Variants in CC2D2A observed in about 807,000 individuals in gnomAD.
The protein encoded by CC2D2A is coiled-coil and C2 domain-containing protein 2A.
A neutral mutation model predicts 212.9 loss-of-function variants in CC2D2A; 155 were observed. The ratio of observed to expected loss-of-function variants is 0.73; its 90% CI spans 0.64 to 0.83. The LOEUF is 0.83. Among genes scored for constraint, CC2D2A ranks in the 40% least tolerant of loss-of-function variants. The pLI is 0.00. For synonymous variants in CC2D2A, 667 were observed against 686.5 expected (o/e 0.97, Z 0.44); for missense variants, 1,856 against 1,956.2 (o/e 0.95, Z 0.97).
At chr4:15,500,087 G>GTA in intron 4 of CC2D2A, among the ~76,000 whole-genome samples, 1 of 46,464 alleles carries the variant, frequency 2.2e-5, no homozygotes, top group East Asian at 4.1e-4. Flanking sequence ...GTGTGTGTGT[G>GTA]TGTGTGTGTG....
rs78992183 is a variant in CC2D2A, at chr4:15,487,665, G to A, written c.247+6838G>A. Among the ~76,000 whole-genome samples the A allele has an allele frequency of 6.0e-4, 91 of 151,954 alleles. 1 individual carries two copies. In the East Asian group the frequency reaches 0.011, roughly 18 times the overall value. ...TTTATATTCAACGTCATTATTCACA[G>A]GGAGGGACTTACTACTGCCATTTTC... On this transcript the variant is annotated intron_variant, in intron 4 of 36. Coordinates refer to ENST00000424120, the MANE Select transcript of CC2D2A (RefSeq NM_001378615.1).
chr4:15,598,271 C>T (rs1721407861), intron 35 of CC2D2A, among the ~76,000 whole-genome samples: 1 of 152,160 alleles, frequency 6.6e-6, no homozygotes, highest in Non-Finnish European at 1.5e-5. Flanking sequence ...AAATCCAAAA[C>T]AAAGATGTGC....
At chr4:15,505,496 G>C (rs1040619975) in intron 6 of CC2D2A, among the ~76,000 whole-genome samples, 1 of 152,098 alleles carries the variant, frequency 6.6e-6, no homozygotes, top group Non-Finnish European at 1.5e-5. Context: ...CCAGGTGTCC[G>C]ATAGGCTCAG....
At chr4:15,597,489 C>T in intron 35 of CC2D2A, 24 bp downstream of exon 35, 1 of 1,537,784 alleles carries the variant, frequency 6.5e-7, no homozygotes, top group Non-Finnish European at 8.8e-7. Flanking sequence ...CATAAATCCA[C>T]ATGTAATCTG....
chr4:15,584,928 A>T (rs1429906425), intron 30 of CC2D2A, among the ~76,000 whole-genome samples: 1 of 152,254 alleles, frequency 6.6e-6, no homozygotes, highest in African/African-American at 2.4e-5. Flanking sequence ...GAGAAATGCA[A>T]ATCAAAACCA....
rs751676654 is a variant in CC2D2A, at chr4:15,550,952, G to C, written c.2310G>C (p.Val770=). The C allele has an allele frequency of 1.1e-5, 17 of 1,602,054 alleles. No individual in the cohort carries two copies. The Admixed American group carries it at 2.8e-4, about 27-fold the overall frequency. ...EEVEFSSNQH[V]TLDHEGVGSG... ...TGGAGTTTAGCAGTAATCAGCATGT[G>C]ACACTGGACCACGAGGGAGTTGGAA... is the stretch of plus-strand genomic sequence containing the variant. Residue 770 remains valine, a synonymous_variant, in exon 18 of 37, where the codon GTG becomes GTC. Coordinates refer to ENST00000424120, the MANE Select transcript of CC2D2A (RefSeq NM_001378615.1).
At chr4:15,588,497 A>G (rs1261766556) in intron 32 of CC2D2A, among the ~76,000 whole-genome samples, 1 of 152,208 alleles carries the variant, frequency 6.6e-6, no homozygotes, top group Non-Finnish European at 1.5e-5. Context: ...AAATATCCCT[A>G]CATTTGTGAT....
intron 29 of CC2D2A, among the ~76,000 whole-genome samples, chr4:15,578,795 TG>T: frequency 1.9e-5 from 2 of 107,124 alleles, no homozygotes; most frequent in African/African-American, 6.8e-5. Context: ...CTGGTTTGTT[TG>T]TTTGTTTGTT....
At chr4:15,568,321 A>T (rs2109071338) in intron 26 of CC2D2A, among the ~76,000 whole-genome samples, 1 of 152,370 alleles carries the variant, frequency 6.6e-6, no homozygotes, top group Non-Finnish European at 1.5e-5. Flanking sequence ...AGGGAAGGTG[A>T]CTTACTTAAA....
chr4:15,569,128 G>A (rs1028476551), intron 26 of CC2D2A, among the ~76,000 whole-genome samples, 165 bp from the exon 27 acceptor site: 5 of 152,116 alleles, frequency 3.3e-5, no homozygotes, highest in Non-Finnish European at 5.9e-5. Context: ...TTTGAATATA[G>A]GTATTATAGT....
intron 26 of CC2D2A, among the ~76,000 whole-genome samples, chr4:15,568,544 C>A (rs1283990901): frequency 6.6e-6 from 1 of 152,168 alleles, no homozygotes; most frequent in African/African-American, 2.4e-5. Context: ...GTCAAGATCA[C>A]GCCACTGCAC....
In CC2D2A at chr4:15,492,375, TCTCACC is replaced by T. The variant is rs940692232; in HGVS notation, c.248-10052_248-10047del. 3.9e-5 allele frequency among the ~76,000 whole-genome samples: 6 copies of T among 152,196 alleles called. 1 individual carries two copies. Among genetic ancestry groups the T allele is most frequent in the African/African-American group, 1.4e-4 (6 of 41,460 alleles). On this transcript the variant is annotated intron_variant, in intron 4 of 36. Transcript: ENST00000424120. ...TCCTAACTGATCTTCTTGCTTCCAT[TCTCACC>T]CCTCATTTTCAACCCAACAGCCAGA...
chr4:15,502,519 T>A lies in CC2D2A; in HGVS notation c.336+2T>A. On this transcript the variant is annotated splice_donor_variant, in intron 5 of 36. Transcript: ENST00000424120. LOFTEE classifies it high-confidence loss of function. The stretch of plus-strand genomic sequence containing the variant: ...AGGGAGAAATTGCAAGCAGCGAGGG[T>A]GAGAGAAACCACATGAATATTCTGT... 1 of 1,595,192 alleles carries A rather than the reference T, an allele frequency of 6.3e-7. No individual in the cohort carries two copies. The highest frequency in any genetic ancestry group is 8.5e-7 in the Non-Finnish European group (1 of 1,174,620).
chr4:15,502,902 G>A lies in CC2D2A; in HGVS notation c.417G>A (p.Leu139=). The change falls in exon 6 of 37, where the codon TTG becomes TTA. Residue 139 remains leucine, a synonymous_variant. Transcript: ENST00000424120. The part of the protein sequence containing the change: ...RRLRSPSKKE[L]ETEFGTEPGK... ...TACGAAGTCCCAGTAAGAAAGAATTGGAGACTGAATTTGGCACAGAGGTGA... is the reference window on the plus strand; with the variant it reads ...TACGAAGTCCCAGTAAGAAAGAATTAGAGACTGAATTTGGCACAGAGGTGA... 6.2e-7 allele frequency: 1 copy of A among 1,609,872 alleles called. No individual in the cohort carries two copies. Among genetic ancestry groups the A allele is most frequent in the Non-Finnish European group, 8.5e-7 (1 of 1,178,458 alleles).
At chr4:15,530,261 G>T (rs193103468) in intron 13 of CC2D2A, among the ~76,000 whole-genome samples, 1 of 152,170 alleles carries the variant, frequency 6.6e-6, no homozygotes. Context: ...GTGAGCCACC[G>T]CGCCCGGCCA....
chr4:15,560,741 G>A (rs1719547235), intron 23 of CC2D2A, 119 bp downstream of exon 23: 3 of 542,736 alleles, frequency 5.5e-6, no homozygotes, highest in South Asian at 2.4e-5. Context: ...ATTTGGGCCA[G>A]GAATAATGTG....
chr4:15,587,722 C>T lies in CC2D2A; in HGVS notation c.4066-94C>T, dbSNP rs28419165. ...AGATTATAGGTCTTACACTTCAAGA[C>T]ACTAACCTCTACTATGACATATTAG... On this transcript the variant is annotated intron_variant, in intron 31 of 36. Transcript: ENST00000424120. 202,094 of 689,934 alleles carry T rather than the reference C, an allele frequency of 0.29. 30,417 individuals carry two copies. The highest frequency in any genetic ancestry group is 0.4 in the East Asian group (14,475 of 35,862). The allele number at this position is 689,934 out of a possible 1,614,324, so 42.7% of individuals were successfully genotyped here.
intron 17 of CC2D2A, among the ~76,000 whole-genome samples, chr4:15,545,582 A>G (rs1341372837): frequency 6.6e-6 from 1 of 152,160 alleles, no homozygotes; most frequent in African/African-American, 2.4e-5. Flanking sequence ...GTTTGTAACC[A>G]TAAGGCTCAG....
Position 15,537,957 on chromosome 4 carries a change from C to A in CC2D2A, c.1823C>A (p.Ala608Glu), listed in dbSNP as rs759716328. The change falls in exon 16 of 37, where the codon GCA (alanine) becomes GAA (glutamate). Residue 608 changes from alanine (A) to glutamate (E), a missense_variant. Coordinates refer to ENST00000424120, the MANE Select transcript of CC2D2A (RefSeq NM_001378615.1). ...AAEEHPGDEI[A>E]EPYPEEDLVK... ...GAAGAACATCCCGGTGATGAGATTG[C>A]AGAGCCGTATCCCGAGGAGGACCTT... 1.2e-6 allele frequency: 2 copies of A among 1,610,056 alleles called. No homozygotes were observed. Among genetic ancestry groups the A allele is most frequent in the Admixed American group, 1.7e-5 (1 of 59,504 alleles).
Sources: gnomAD v4.1 joint callset for allele counts (sites outside exome capture counted in the v4.1 genomes callset) on GRCh38, gnomAD v4.1.1 for gene constraint, MANE v1.5 for transcripts, NCBI Gene and HGNC (gene_info 2026-07-23, HGNC 2026-07-21) for gene names.